RNF115: variants seen among roughly 807,000 people sequenced by gnomAD.
RNF115 encodes E3 ubiquitin-protein ligase RNF115.
Under a neutral mutation model 39.2 loss-of-function variants are expected in RNF115, and 31 were observed. That is an observed-to-expected ratio of 0.79 (90% confidence interval 0.59 to 1.07). The LOEUF (loss-of-function observed/expected upper bound fraction) is 1.07, where lower values mean the gene tolerates loss of function less well. Ranked by LOEUF, RNF115 falls within the 50% of genes least tolerant of loss-of-function variation. The pLI, the probability that RNF115 is intolerant of heterozygous loss-of-function variation, is 0.00. For missense variants in RNF115, 384 were observed against 381.7 expected (o/e 1.01, Z -0.05); for synonymous variants, 124 against 131.0 (o/e 0.95, Z 0.37).
chr1:145,793,678 GAA>G, intron 1 of RNF115, among the ~76,000 whole-genome samples: 1 of 151,706 alleles, frequency 6.6e-6, no homozygotes, highest in South Asian at 2.1e-4. Flanking sequence ...GCTCATACTA[GAA>G]ACCCGGGGGT....
intron 4 of RNF115, among the ~76,000 whole-genome samples, chr1:145,754,350 T>C (rs1255852894): frequency 2.5e-5 from 1 of 39,592 alleles, no homozygotes; most frequent in African/African-American, 3.1e-4. Context: ...AAACACTGGT[T>C]GTTTTTTTTT....
intron 3 of RNF115, among the ~76,000 whole-genome samples, chr1:145,781,995 T>C (rs1007659849): frequency 6.6e-6 from 1 of 151,430 alleles, no homozygotes; most frequent in East Asian, 1.9e-4. Context: ...CTCCGCCTTC[T>C]GGGTTCAAGC....
Position 145,748,127 on chromosome 1 carries a change from T to C in RNF115, c.668-17A>G, listed in dbSNP as rs782010805. The C allele has an allele frequency of 1.6e-5, 25 of 1,571,998 alleles. No individual in the cohort carries two copies. Among genetic ancestry groups the C allele is most frequent in the Non-Finnish European group, 2.1e-5 (24 of 1,142,142 alleles). On this transcript the variant is annotated splice_polypyrimidine_tract_variant and intron_variant, in intron 7 of 8. Coordinates refer to ENST00000582693, the MANE Select transcript of RNF115 (RefSeq NM_014455.4). ...AACCCATATCTGTTGAAGAAGGAAA[T>C]GCCTTTTAAAGTAAACAGGCAAAAG...
chr1:145,797,806 G>A (rs587714361), intron 1 of RNF115, among the ~76,000 whole-genome samples: 4 of 152,208 alleles, frequency 2.6e-5, no homozygotes, highest in South Asian at 2.1e-4. Context: ...ACTAACACTC[G>A]TAATTCCCTG....
At chr1:145,759,115 C>T (rs587714354) in intron 4 of RNF115, among the ~76,000 whole-genome samples, 9 of 152,320 alleles carry the variant, frequency 5.9e-5, no homozygotes, top group Admixed American at 5.9e-4. Flanking sequence ...GCTGTTTCTT[C>T]TCAGTCTCCT....
chr1:145,789,417 T>TC (rs1648550817), intron 1 of RNF115, among the ~76,000 whole-genome samples: 1 of 151,280 alleles, frequency 6.6e-6, no homozygotes, highest in African/African-American at 2.4e-5. Flanking sequence ...TTTTTCTTTT[T>TC]TTTTTGTTTT....
chr1:145,772,982 G>A (rs1219431781), intron 3 of RNF115: 5 of 152,066 alleles, frequency 3.3e-5, no homozygotes, highest in Admixed American at 3.3e-4. Flanking sequence ...CATATCTTTT[G>A]TTGAGCTCCC....
At chr1:145,748,146 G>T (rs782236927) in intron 7 of RNF115, 36 bp from the exon 8 acceptor site, 1 of 1,476,946 alleles carries the variant, frequency 6.8e-7, no homozygotes, top group South Asian at 1.1e-5. Flanking sequence ...AAGTAAACAG[G>T]CAAAAGGAAA....
intron 3 of RNF115, among the ~76,000 whole-genome samples, chr1:145,783,865 G>A (rs1559119079): frequency 6.6e-6 from 1 of 151,604 alleles, no homozygotes; most frequent in Non-Finnish European, 1.5e-5. Flanking sequence ...GAGACTTTAG[G>A]TCAATGGACG....
At chr1:145,779,686 G>A (rs1251089416) in intron 3 of RNF115, among the ~76,000 whole-genome samples, 4 of 151,366 alleles carry the variant, frequency 2.6e-5, no homozygotes, top group Non-Finnish European at 5.9e-5. Flanking sequence ...TTTTTGAAAC[G>A]GAGTCTCGCT....
intron 1 of RNF115, among the ~76,000 whole-genome samples, chr1:145,811,595 C>T (rs1553722586): frequency 9.3e-6 from 1 of 107,730 alleles, no homozygotes. Flanking sequence ...TATGTAGGGC[C>T]GGGTGTGGTG....
chr1:145,747,505 T>C (rs1553711908), intron 8 of RNF115, among the ~76,000 whole-genome samples: 1 of 152,108 alleles, frequency 6.6e-6, no homozygotes, highest in East Asian at 1.9e-4. Context: ...TGGCTGGGCA[T>C]GGTGGTGCAC....
At chr1:145,782,507 T>A (rs184758600) in intron 3 of RNF115, among the ~76,000 whole-genome samples, 8 of 152,268 alleles carry the variant, frequency 5.3e-5, no homozygotes, top group African/African-American at 1.4e-4. Context: ...CCTGGCAACA[T>A]CTAAAGAACA....
chr1:145,763,837 A>G (rs1321031339), intron 4 of RNF115, among the ~76,000 whole-genome samples: 5 of 152,178 alleles, frequency 3.3e-5, no homozygotes, highest in Non-Finnish European at 5.9e-5. Flanking sequence ...CACAAAGGAA[A>G]AAACCTAACA....
At chr1:145,765,858 T>C (rs1553714725) in intron 4 of RNF115, among the ~76,000 whole-genome samples, 1 of 152,222 alleles carries the variant, frequency 6.6e-6, no homozygotes, top group African/African-American at 2.4e-5. Context: ...AAAAAAGTTT[T>C]ACTCATGCCA....
chr1:145,799,129 G>A (rs587613769), intron 1 of RNF115, among the ~76,000 whole-genome samples: 53 of 150,866 alleles, frequency 3.5e-4, no homozygotes, highest in African/African-American at 1.0e-3. Context: ...GTGCAGTGGC[G>A]CAATCTCGGC....
intron 3 of RNF115, chr1:145,773,309 T>C (rs1647728259): frequency 6.6e-6 from 1 of 152,066 alleles, no homozygotes; most frequent in South Asian, 2.1e-4. Context: ...TGAACATTTA[T>C]AATGTGTAAA....
chr1:145,784,483 T>C (rs1648288110), intron 3 of RNF115, 56 bp downstream of exon 3: 8 of 1,484,532 alleles, frequency 5.4e-6, no homozygotes, highest in East Asian at 4.5e-5. Context: ...GTATCTGCCA[T>C]GATTTTAACA....
intron 5 of RNF115, among the ~76,000 whole-genome samples, chr1:145,752,585 C>CTTTTTTTTTTTTTTTTTTTTTTTTTTTT (rs60257682): frequency 3.6e-5 from 3 of 83,784 alleles, no homozygotes; most frequent in African/African-American, 1.7e-4. Flanking sequence ...CTATGCAGCT[C>CTTTTTTTTTTTTTTTTTTTTTTTTTTTT]TTTTTTTTTT....
Sources: gnomAD v4.1 joint callset for allele counts (sites outside exome capture counted in the v4.1 genomes callset) on GRCh38, gnomAD v4.1.1 for gene constraint, MANE v1.5 for transcripts, NCBI Gene and HGNC (gene_info 2026-07-23, HGNC 2026-07-21) for gene names.